Variants in GTF3C2 observed in about 807,000 individuals in gnomAD.
The protein encoded by GTF3C2 is general transcription factor 3C polypeptide 2.
In GTF3C2, 17 loss-of-function variants were observed where a neutral mutation model predicts 117.4. That is an observed-to-expected ratio of 0.14 (90% CI 0.10 to 0.22). The LOEUF (loss-of-function observed/expected upper bound fraction) is 0.22. Ranked by LOEUF, GTF3C2 falls within the 10% of genes least tolerant of loss-of-function variation. GTF3C2 has a pLI of 1.00. For missense variants in GTF3C2, 888 were observed against 1,143.6 expected (o/e 0.78, Z 3.22); for synonymous variants, 437 against 427.0 (o/e 1.02, Z -0.29).
rs116493147 is a variant in GTF3C2, at chr2:27,329,926, C to A, written c.1733-403G>T. Among the ~76,000 whole-genome samples, 2,816 of 152,000 alleles carry A rather than the reference C, an allele frequency of 0.019. 34 individuals carry two copies. Among genetic ancestry groups the A allele is most frequent in the Middle Eastern group, 0.075 (22 of 294 alleles). ...GGAGGCCAATGCAGGTGGTGGATCA[C>A]CTGAGGTCAGGAGTTTGAGACCAGC... is the stretch of plus-strand genomic sequence containing the variant. On this transcript the variant is annotated intron_variant, in intron 12 of 18. Coordinates refer to ENST00000264720, the Ensembl canonical transcript of GTF3C2. This position sits in a 1 kb window ranked among gnomAD's most constrained non-coding sequence, Gnocchi z 4.5.
At chr2:27,340,222 A>C (rs1024013304) in intron 4 of GTF3C2, 1 of 152,096 alleles carries the variant, frequency 6.6e-6, no homozygotes, top group South Asian at 2.1e-4. Flanking sequence ...AATTACAAAA[A>C]TAAAAATAAA....
rs143122316 is a variant in GTF3C2 at position 27,353,265 on chromosome 2, C to G, written c.-25+3474G>C. Reference sequence around the variant, plus strand: ...AAAATTAGCTGGGTGTGGCGGCACACCCCTGTAATCCCAGCTACTCAGGAG... The same window carrying G: ...AAAATTAGCTGGGTGTGGCGGCACAGCCCTGTAATCCCAGCTACTCAGGAG... On this transcript the variant is annotated intron_variant, in intron 1 of 18. Transcript: ENST00000264720. Among the ~76,000 whole-genome samples, 606 of 151,692 alleles carry G rather than the reference C, an allele frequency of 4.0e-3. 5 individuals carry two copies. Among genetic ancestry groups the G allele is most frequent in the African/African-American group, 0.014 (583 of 41,398 alleles).
In GTF3C2 at chr2:27,330,689, G is replaced by A. The variant is rs188588587; in HGVS notation, c.1733-1166C>T. On this transcript the variant is annotated intron_variant, in intron 12 of 18. Coordinates refer to ENST00000264720, the Ensembl canonical transcript of GTF3C2. Reference sequence around the variant, plus strand: ...TAAAAAATAAAAAAAGGCCAGGCACGATGGCTCATGCCTGTAATCTCAGCA... The same window carrying A: ...TAAAAAATAAAAAAAGGCCAGGCACAATGGCTCATGCCTGTAATCTCAGCA... Among the ~76,000 whole-genome samples the A allele has an allele frequency of 3.3e-5, 5 of 152,064 alleles. No homozygotes were observed. The East Asian group carries it at 7.7e-4, about 24-fold the overall frequency.
intron 1 of GTF3C2, among the ~76,000 whole-genome samples, chr2:27,353,753 C>T (rs1681222832): frequency 1.3e-5 from 2 of 151,856 alleles, no homozygotes; most frequent in African/African-American, 4.8e-5. Flanking sequence ...ATTTATTTCC[C>T]CTGTCACCCA....
At chr2:27,328,662 G>C (rs1006738088) in intron 15 of GTF3C2, 66 bp from the exon 16 acceptor site, 14 of 1,362,720 alleles carry the variant, frequency 1.0e-5, no homozygotes, top group African/African-American at 1.4e-5. Context: ...GGTAACAGCT[G>C]CACAGTCTGA....
intron 1 of GTF3C2, among the ~76,000 whole-genome samples, chr2:27,345,014 T>C (rs1680868806): frequency 6.6e-6 from 1 of 151,972 alleles, no homozygotes; most frequent in Non-Finnish European, 1.5e-5. Flanking sequence ...CCAGGCACGA[T>C]AGCTCATGCC....
chr2:27,349,137 TGATTTG>T (rs1681026572), intron 1 of GTF3C2, among the ~76,000 whole-genome samples: 1 of 92,800 alleles, frequency 1.1e-5, no homozygotes, highest in Admixed American at 1.2e-4. Context: ...GTGCCCAGCC[TGATTTG>T]ATTTTTTTTT....
At chr2:27,336,517 G>A in intron 7 of GTF3C2, 92 bp from the exon 8 acceptor site, 1 of 724,574 alleles carries the variant, frequency 1.4e-6, no homozygotes, top group South Asian at 1.7e-5. Context: ...GTATGAACTG[G>A]CTCAAGCAAG....
At chr2:27,328,399 C>T (rs1196226891) in intron 16 of GTF3C2, 69 bp downstream of exon 16, 2 of 1,539,234 alleles carry the variant, frequency 1.3e-6, no homozygotes, top group Non-Finnish European at 1.8e-6. Flanking sequence ...CTAGTTTGTA[C>T]TCTACCAGAA....
chr2:27,331,428 C>T (rs1406149594), intron 12 of GTF3C2, among the ~76,000 whole-genome samples: 9 of 152,096 alleles, frequency 5.9e-5, no homozygotes, highest in Non-Finnish European at 1.5e-5. Flanking sequence ...CCAGTTCAAG[C>T]GATTCTCCTG....
chr2:27,334,174 A>G (rs1009941517), intron 10 of GTF3C2, among the ~76,000 whole-genome samples, 175 bp from the exon 11 acceptor site: 2 of 149,458 alleles, frequency 1.3e-5, no homozygotes, highest in Non-Finnish European at 3.0e-5. Context: ...TATAAGTGTG[A>G]GCCACCATGC....
chr2:27,351,852 T>C (rs994202579), intron 1 of GTF3C2, among the ~76,000 whole-genome samples: 1 of 152,152 alleles, frequency 6.6e-6, no homozygotes, highest in Non-Finnish European at 1.5e-5. Flanking sequence ...CAATGCCACT[T>C]GCAGACCAAC....
At chr2:27,346,529 T>C (rs1293328596) in intron 1 of GTF3C2, among the ~76,000 whole-genome samples, 4 of 151,402 alleles carry the variant, frequency 2.6e-5, no homozygotes, top group Non-Finnish European at 4.4e-5. Context: ...TTTTTGTATT[T>C]TTTGTAGAGA....
chr2:27,331,503 T>C (rs1054077132), intron 12 of GTF3C2, among the ~76,000 whole-genome samples: 3 of 152,080 alleles, frequency 2.0e-5, no homozygotes, highest in African/African-American at 7.2e-5. Flanking sequence ...TTTTTGTATT[T>C]TTTAGTAGAG....
chr2:27,344,979 A>C (rs755046261), intron 1 of GTF3C2, among the ~76,000 whole-genome samples: 60 of 151,668 alleles, frequency 4.0e-4, no homozygotes, highest in South Asian at 1.0e-3. Flanking sequence ...ATTTTAAATA[A>C]AAACATTTAA....
exon 19 of GTF3C2, chr2:27,326,283 GC>G (rs1452823675): frequency 2.1e-6 from 1 of 470,958 alleles, no homozygotes; most frequent in South Asian, 1.6e-5. Flanking sequence ...GAGCCTTCAT[GC>G]AGATACCCTT....
At chr2:27,333,286 G>A (rs1680343366) in intron 12 of GTF3C2, among the ~76,000 whole-genome samples, 1 of 151,320 alleles carries the variant, frequency 6.6e-6, no homozygotes, top group African/African-American at 2.4e-5. Flanking sequence ...CAAGTAGCTA[G>A]GACTCCAGGC....
At chr2:27,343,131 C>A in exon 3 of GTF3C2, 1 of 1,579,134 alleles carries the variant, frequency 6.3e-7, no homozygotes, top group Non-Finnish European at 8.6e-7. Context: ...AGACCTTTGA[C>A]ATCTCTGAAG....
intron 5 of GTF3C2, 131 bp from the exon 6 acceptor site, chr2:27,337,689 G>A: frequency 1.3e-6 from 1 of 744,358 alleles, no homozygotes; most frequent in Non-Finnish European, 2.4e-6. Flanking sequence ...GCTCCAATTA[G>A]CTACCAAGCA....
Sources: gnomAD v4.1 joint callset for allele counts (sites outside exome capture counted in the v4.1 genomes callset) on GRCh38, gnomAD v4.1.1 for gene constraint, Gnocchi (gnomAD v3.1) non-coding constraint, MANE v1.5 for transcripts, NCBI Gene and HGNC (gene_info 2026-07-23, HGNC 2026-07-21) for gene names.